Variants in CACUL1 observed in about 807,000 individuals in gnomAD.
The protein encoded by CACUL1 is CDK2 associated cullin domain 1.
A neutral mutation model predicts 45.2 loss-of-function variants in CACUL1; 13 were observed. The ratio of observed to expected loss-of-function variants is 0.29; its 90% CI spans 0.19 to 0.46. CACUL1 has a LOEUF of 0.46. Ranked by LOEUF, CACUL1 falls within the 20% of genes least tolerant of loss-of-function variation. The probability of loss-of-function intolerance (pLI) is 1.00; values close to 1 mark genes in which losing one functional copy is unlikely to be tolerated. For synonymous variants in CACUL1, 197 were observed against 174.2 expected, an observed-to-expected ratio of 1.13 and a Z score of -1.03; for missense variants, 421 against 471.4, an observed-to-expected ratio of 0.89 and a Z score of 0.99.
chr10:118,694,568 G>T (rs1240568731), intron 6 of CACUL1, among the ~76,000 whole-genome samples: 1 of 152,204 alleles, frequency 6.6e-6, no homozygotes, highest in African/African-American at 2.4e-5. Flanking sequence ...CTTATAGAAA[G>T]ATATATACAA....
At chr10:118,728,317 C>CTTT (rs5788315) in intron 3 of CACUL1, among the ~76,000 whole-genome samples, 3 of 140,806 alleles carry the variant, frequency 2.1e-5, no homozygotes, top group Admixed American at 7.1e-5. Flanking sequence ...AGTGACTTTT[C>CTTT]TTTTTTTTTT....
chr10:118,694,938 C>A, intron 6 of CACUL1: 4 of 416,700 alleles, frequency 9.6e-6, no homozygotes, highest in Non-Finnish European at 1.3e-5. Context: ...TCTGCAAAAA[C>A]CACACTAGTT....
chr10:118,701,582 C>T lies in CACUL1; in HGVS notation c.694-174G>A, dbSNP rs190546094. On this transcript the variant is annotated intron_variant, in intron 4 of 8. Coordinates refer to ENST00000369151, the MANE Select transcript of CACUL1 (RefSeq NM_153810.5). Reference sequence around the variant, plus strand: ...CTATTAGTTACTTGTCTTTCTGGCACGGGGTGGAAAGCATAAAAAAATGTT... The same window carrying T: ...CTATTAGTTACTTGTCTTTCTGGCATGGGGTGGAAAGCATAAAAAAATGTT... 3.0e-4 allele frequency among the ~76,000 whole-genome samples: 45 copies of T among 152,212 alleles called. No homozygotes were observed. The East Asian group carries it at 7.3e-3, about 25-fold the overall frequency.
intron 7 of CACUL1, among the ~76,000 whole-genome samples, chr10:118,689,784 TG>T: frequency 6.6e-6 from 1 of 152,360 alleles, no homozygotes; most frequent in South Asian, 2.1e-4. Flanking sequence ...TTCCATGCAT[TG>T]CTCTGGAAGG....
At chr10:118,726,484 GA>G in intron 3 of CACUL1, 1 of 364,370 alleles carries the variant, frequency 2.7e-6, no homozygotes, top group East Asian at 7.6e-5. Flanking sequence ...CAGGGAAGCA[GA>G]AACAATAACA....
chr10:118,714,919 G>C (rs12098724), intron 3 of CACUL1, among the ~76,000 whole-genome samples: 120 of 152,128 alleles, frequency 7.9e-4, no homozygotes, highest in African/African-American at 2.9e-3. Context: ...AGGCTTTTGG[G>C]GACCCTCCGA....
Position 118,684,083 on chromosome 10 carries a change from A to G in CACUL1, c.*2045T>C, listed in dbSNP as rs918914541. 4.6e-5 allele frequency: 7 copies of G among 152,798 alleles called. No homozygotes were observed. The highest frequency in any genetic ancestry group is 1.7e-4 in the African/African-American group (7 of 41,598). The allele number at this position is 152,798 out of a possible 1,614,324, so 9.5% of individuals were successfully genotyped here. A position where few individuals can be genotyped will look rare whatever the true frequency, so the allele number is the denominator to read the frequency against. ...TTAATACATACATAGTAAAAAGAAT[A>G]TATTTCTCCATGAACTTAATAATGC... On this transcript the variant is annotated 3_prime_UTR_variant, in exon 9 of 9. Transcript: ENST00000369151.
chr10:118,715,051 A>G (rs1845528985), intron 3 of CACUL1, among the ~76,000 whole-genome samples: 1 of 152,238 alleles, frequency 6.6e-6, no homozygotes. Context: ...AGATTGTTGC[A>G]CTGAGTAACT....
rs150393133 is a variant in CACUL1, at chr10:118,738,892, T to TAAAAAAAA, written c.368-8490_368-8483dup. Among the ~76,000 whole-genome samples the TAAAAAAAA allele has an allele frequency of 2.4e-4, 15 of 62,258 alleles. 3 individuals carry two copies. The highest frequency in any genetic ancestry group is 3.5e-4 in the Non-Finnish European group (12 of 34,020). The allele number at this position is 62,258 out of a possible 152,430, so 40.8% of individuals were successfully genotyped here. A position where few individuals can be genotyped will look rare whatever the true frequency, so the allele number is the denominator to read the frequency against. On this transcript the variant is annotated intron_variant, in intron 1 of 8. Transcript: ENST00000369151. ...AAAAAAGAAGTAATCCAAGTGCTCT[T>TAAAAAAAA]AAAAAAAAAAAAAAAAAAAAAAAGC...
intron 3 of CACUL1, among the ~76,000 whole-genome samples, chr10:118,715,781 C>T (rs1165329074): frequency 6.6e-6 from 1 of 152,104 alleles, no homozygotes; most frequent in Admixed American, 6.5e-5. Flanking sequence ...CAAAAGCATT[C>T]TGGTTGTCTT....
rs1264648055 is a variant in CACUL1, at chr10:118,684,812, A to G, written c.*1316T>C. The G allele has an allele frequency of 6.6e-6, 1 of 152,244 alleles. No individual in the cohort carries two copies. Among genetic ancestry groups the G allele is most frequent in the African/African-American group, 2.4e-5 (1 of 41,468 alleles). 9.4% of individuals were successfully genotyped at this position (152,244 alleles called of 1,614,324 possible). ...GTTCTCTGAAGAGGTAAATACTATT[A>G]GTCTGATGTTGCCTAGTAGAGAAGC... On this transcript the variant is annotated 3_prime_UTR_variant, in exon 9 of 9. Transcript: ENST00000369151.
At chr10:118,721,686 T>C (rs1845602154) in intron 3 of CACUL1, among the ~76,000 whole-genome samples, 2 of 152,168 alleles carry the variant, frequency 1.3e-5, no homozygotes, top group African/African-American at 4.8e-5. Context: ...CAAATCTCTG[T>C]GTCAACACTG....
chr10:118,699,009 CTCTT>C (rs1337972933), intron 5 of CACUL1, among the ~76,000 whole-genome samples: 4 of 152,200 alleles, frequency 2.6e-5, no homozygotes, highest in African/African-American at 9.7e-5. Context: ...ACTTTAACCT[CTCTT>C]TGTCTCCGTT....
At chr10:118,752,977 G>A (rs34851615) in intron 1 of CACUL1, among the ~76,000 whole-genome samples, 39,395 of 151,898 alleles carry the variant, frequency 0.26, 6,475 homozygotes, top group South Asian at 0.37. Context: ...TGTCTGCCTA[G>A]CTTACTCATC....
intron 1 of CACUL1, among the ~76,000 whole-genome samples, chr10:118,746,504 T>C (rs1436510335): frequency 6.6e-6 from 1 of 152,056 alleles, no homozygotes; most frequent in Non-Finnish European, 1.5e-5. Context: ...ACCATAAAAC[T>C]GCTAAGAAAA....
At chr10:118,749,458 A>T (rs960625809) in intron 1 of CACUL1, among the ~76,000 whole-genome samples, 1 of 152,078 alleles carries the variant, frequency 6.6e-6, no homozygotes, top group East Asian at 1.9e-4. Context: ...GAAAAGAAAA[A>T]CTCTAGATAT....
At chr10:118,745,719 G>A (rs773627884) in intron 1 of CACUL1, among the ~76,000 whole-genome samples, 70 of 152,094 alleles carry the variant, frequency 4.6e-4, no homozygotes, top group Non-Finnish European at 2.8e-4. Flanking sequence ...TTTTAAAAAA[G>A]ATCCAACCAT....
At chr10:118,754,324 C>A (rs552678690) in intron 1 of CACUL1, 72 bp downstream of exon 1, 2 of 1,433,504 alleles carry the variant, frequency 1.4e-6, no homozygotes, top group Non-Finnish European at 1.8e-6. Context: ...GGAGCTTTCT[C>A]CAAGAGGGGG....
intron 5 of CACUL1, among the ~76,000 whole-genome samples, chr10:118,699,011 CTT>C (rs1194536441): frequency 6.6e-6 from 1 of 152,206 alleles, no homozygotes; most frequent in Non-Finnish European, 1.5e-5. Context: ...TTTAACCTCT[CTT>C]TGTCTCCGTT....
Sources: gnomAD v4.1 joint callset for allele counts (sites outside exome capture counted in the v4.1 genomes callset) on GRCh38, gnomAD v4.1.1 for gene constraint, MANE v1.5 for transcripts, NCBI Gene and HGNC (gene_info 2026-07-23, HGNC 2026-07-21) for gene names.